TDRD9: variants seen among roughly 807,000 people sequenced by gnomAD.
TDRD9 encodes the protein ATP-dependent RNA helicase TDRD9.
Under a neutral mutation model 172.6 loss-of-function variants are expected in TDRD9, and 124 were observed. The observed-to-expected ratio is 0.72, with a 90% CI of 0.62 to 0.83. TDRD9 has a LOEUF of 0.83. TDRD9 is among the 40% of genes least tolerant of loss of function. The pLI is 0.00. For missense variants in TDRD9, 1,479 were observed against 1,714.1 expected (o/e 0.86, Z 2.42); for synonymous variants, 619 against 617.1 (o/e 1.00, Z -0.05).
At chr14:104,049,719 G>A in intron 35 of TDRD9, 39 bp downstream of exon 35, 8 of 1,517,940 alleles carry the variant, frequency 5.3e-6, no homozygotes, top group Admixed American at 1.9e-5. Context: ...CAGAGGCCAC[G>A]TGGAGGAGGG....
At position 103,970,541 on chromosome 14, in the gene TDRD9, G is replaced by T; in HGVS notation, c.766G>T (p.Val256Leu). Residue 256 changes from valine to leucine, a missense_variant and splice_region_variant, in exon 6 of 36, where the codon GTA becomes TTA. Coordinates refer to ENST00000409874, the MANE Select transcript of TDRD9 (RefSeq NM_153046.3). Reference sequence around the variant, plus strand: ...GGGTGCCCCCTTTTTTATTTTGTAGGTACACGAACGAACAGAAGAAATGGA... The same window carrying T: ...GGGTGCCCCCTTTTTTATTTTGTAGTTACACGAACGAACAGAAGAAATGGA... The part of the protein sequence containing the change: ...MEFTHIIIDE[V>L]HERTEEMDFL... 6.4e-7 allele frequency: 1 copy of T among 1,551,316 alleles called. No homozygotes were observed. The highest frequency in any genetic ancestry group is 8.7e-7 in the Non-Finnish European group (1 of 1,146,674).
intron 2 of TDRD9, among the ~76,000 whole-genome samples, chr14:103,961,050 G>A (rs1175260751): frequency 6.6e-6 from 1 of 152,150 alleles, no homozygotes; most frequent in Non-Finnish European, 1.5e-5. Context: ...TCTGCATGCT[G>A]TGTCTGGGCT....
At chr14:103,934,919 G>T (rs1169631336) in intron 1 of TDRD9, among the ~76,000 whole-genome samples, 3 of 152,250 alleles carry the variant, frequency 2.0e-5, no homozygotes, top group Non-Finnish European at 4.4e-5. Context: ...TTTTTTGAAG[G>T]TGTTTTTTAG....
At chr14:103,941,600 C>T in intron 1 of TDRD9, 1 of 1,535,148 alleles carries the variant, frequency 6.5e-7, no homozygotes, top group African/African-American at 1.4e-5. Flanking sequence ...ATTTTAATTC[C>T]CGAAGCAGAG....
chr14:104,024,453 G>A (rs1215618928), intron 24 of TDRD9, 116 bp from the exon 25 acceptor site: 4 of 569,318 alleles, frequency 7.0e-6, no homozygotes, highest in Non-Finnish European at 1.2e-5. Flanking sequence ...GTATTTTATT[G>A]AAATGTTCTT....
chr14:103,973,210 T>C (rs547116903), intron 6 of TDRD9, among the ~76,000 whole-genome samples: 1 of 152,288 alleles, frequency 6.6e-6, no homozygotes, highest in Non-Finnish European at 1.5e-5. Context: ...ATATGGTACA[T>C]GTAGTTGGGC....
intron 1 of TDRD9, among the ~76,000 whole-genome samples, chr14:103,942,506 G>A (rs1458385779): frequency 6.6e-6 from 1 of 152,200 alleles, no homozygotes; most frequent in Non-Finnish European, 1.5e-5. Context: ...CACCATAGAT[G>A]CGCTCCGAGC....
At chr14:104,023,579 A>G (rs1176233275) in intron 24 of TDRD9, among the ~76,000 whole-genome samples, 4 of 152,240 alleles carry the variant, frequency 2.6e-5, no homozygotes, top group African/African-American at 9.6e-5. Flanking sequence ...ACCCTGGTGG[A>G]TCTTCTTCTC....
intron 4 of TDRD9, among the ~76,000 whole-genome samples, chr14:103,966,197 G>T (rs936353283): frequency 1.3e-5 from 2 of 151,852 alleles, no homozygotes; most frequent in Non-Finnish European, 2.9e-5. Flanking sequence ...CAGGCATGAT[G>T]GCACATGCCT....
intron 4 of TDRD9, 130 bp from the exon 5 acceptor site, chr14:103,966,579 A>T: frequency 1.1e-6 from 1 of 945,420 alleles, no homozygotes; most frequent in Non-Finnish European, 1.5e-6. Context: ...TGTCACTTTT[A>T]ATTTGGAGCC....
chr14:104,042,027 C>A, intron 33 of TDRD9, 42 bp from the exon 34 acceptor site: 2 of 1,256,058 alleles, frequency 1.6e-6, no homozygotes, highest in Non-Finnish European at 2.3e-6. Flanking sequence ...AATTCAGTTA[C>A]GACGGAGCCT....
At chr14:104,030,981 T>C in intron 28 of TDRD9, 127 bp from the exon 29 acceptor site, 1 of 890,658 alleles carries the variant, frequency 1.1e-6, no homozygotes, top group Non-Finnish European at 1.7e-6. Flanking sequence ...AGTGTAATAA[T>C]AATAAAATAA....
At chr14:103,933,584 TAAAA>T (rs1419053757) in intron 1 of TDRD9, among the ~76,000 whole-genome samples, 1 of 152,112 alleles carries the variant, frequency 6.6e-6, no homozygotes, top group Non-Finnish European at 1.5e-5. Flanking sequence ...AAATATTATT[TAAAA>T]AAACAGACAG....
intron 1 of TDRD9, among the ~76,000 whole-genome samples, chr14:103,952,755 T>TA (rs2032001972): frequency 7.0e-6 from 1 of 143,152 alleles, no homozygotes; most frequent in Non-Finnish European, 1.5e-5. Context: ...TTTTTTTTTT[T>TA]AAAGACAGAG....
intron 32 of TDRD9, among the ~76,000 whole-genome samples, 187 bp from the exon 33 acceptor site, chr14:104,040,009 T>C: frequency 6.6e-6 from 1 of 152,296 alleles, no homozygotes; most frequent in Non-Finnish European, 1.5e-5. Context: ...GAATTTACTA[T>C]TCTTATAACT....
At chr14:103,984,951 A>C (rs1397392522) in intron 7 of TDRD9, among the ~76,000 whole-genome samples, 1 of 152,186 alleles carries the variant, frequency 6.6e-6, no homozygotes, top group Non-Finnish European at 1.5e-5. Flanking sequence ...GTCAAAGATC[A>C]TTTTGGAGCT....
chr14:104,048,088 A>G (rs2035833709), intron 34 of TDRD9, among the ~76,000 whole-genome samples: 1 of 152,008 alleles, frequency 6.6e-6, no homozygotes, highest in Non-Finnish European at 1.5e-5. Flanking sequence ...TACTTTAGAT[A>G]ATGTACTGGA....
Position 103,963,143 on chromosome 14 carries a change from T to C in TDRD9, c.387T>C (p.Tyr129=). Residue 129 remains tyrosine (Y), a synonymous_variant, in exon 3 of 36, where the codon TAT becomes TAC. Coordinates refer to ENST00000409874, the MANE Select transcript of TDRD9 (RefSeq NM_153046.3). ...VTCIPGTTYK[Y]PDLPISRYKE... ...GCATCCCAGGGACAACTTATAAATA[T>C]CCTGATTTGCCTATAAGTCGATACA... 1.9e-6 allele frequency: 3 copies of C among 1,549,444 alleles called. No homozygotes were observed. Among genetic ancestry groups the C allele is most frequent in the Non-Finnish European group, 2.6e-6 (3 of 1,145,846 alleles).
chr14:103,954,184 G>A (rs1182046158), intron 1 of TDRD9, among the ~76,000 whole-genome samples: 1 of 152,172 alleles, frequency 6.6e-6, no homozygotes, highest in Non-Finnish European at 1.5e-5. Context: ...CATGAATAGA[G>A]CCATGACACT....
Sources: gnomAD v4.1 joint callset for allele counts (sites outside exome capture counted in the v4.1 genomes callset) on GRCh38, gnomAD v4.1.1 for gene constraint, MANE v1.5 for transcripts, NCBI Gene and HGNC (gene_info 2026-07-23, HGNC 2026-07-21) for gene names.